ZNF385B: variants seen among roughly 807,000 people sequenced by gnomAD.
ZNF385B encodes zinc finger protein 533.
Under a neutral mutation model 39.2 loss-of-function variants are expected in ZNF385B, and 23 were observed. The observed-to-expected ratio is 0.59, with a 90% CI of 0.42 to 0.83. The LOEUF (loss-of-function observed/expected upper bound fraction) is 0.83, where lower values mean the gene tolerates loss of function less well. Ranked by LOEUF, ZNF385B falls within the 40% of genes least tolerant of loss-of-function variation. The pLI is 0.00. For missense variants in ZNF385B, 552 were observed against 598.9 expected (o/e 0.92, Z 0.82); for synonymous variants, 205 against 222.6 (o/e 0.92, Z 0.70).
intron 3 of ZNF385B, among the ~76,000 whole-genome samples, chr2:179,559,846 C>T (rs904972925): frequency 6.6e-6 from 1 of 151,940 alleles, no homozygotes; most frequent in Non-Finnish European, 1.5e-5. Context: ...TCATGCTGTA[C>T]CTTAGATCTC....
At chr2:179,782,505 A>T (rs1247427913) in intron 1 of ZNF385B, among the ~76,000 whole-genome samples, 1 of 152,220 alleles carries the variant, frequency 6.6e-6, no homozygotes, top group Non-Finnish European at 1.5e-5. Context: ...AAGGGAACAA[A>T]ATAAACGGCA....
chr2:179,648,793 A>G (rs1383498196), intron 3 of ZNF385B, among the ~76,000 whole-genome samples: 4 of 152,208 alleles, frequency 2.6e-5, no homozygotes, highest in Non-Finnish European at 4.4e-5. Context: ...AAATTTGCAC[A>G]TCAAAATAAT....
At chr2:179,647,921 A>G (rs1692864594) in intron 3 of ZNF385B, among the ~76,000 whole-genome samples, 1 of 152,200 alleles carries the variant, frequency 6.6e-6, no homozygotes, top group African/African-American at 2.4e-5. Flanking sequence ...TATTAGATGA[A>G]ACAGAGCAAG....
intron 3 of ZNF385B, among the ~76,000 whole-genome samples, chr2:179,660,536 T>C (rs1694341560): frequency 6.6e-6 from 1 of 152,344 alleles, no homozygotes; most frequent in East Asian, 1.9e-4. Context: ...TGCTTCCAAG[T>C]TCTTTTACTT....
At chr2:179,535,252 A>C (rs143314944) in intron 4 of ZNF385B, among the ~76,000 whole-genome samples, 143 of 152,316 alleles carry the variant, frequency 9.4e-4, no homozygotes, top group African/African-American at 3.2e-3. Context: ...AAGAGAAAAC[A>C]AGTACAGGCT....
chr2:179,629,582 G>A (rs1251251641), intron 3 of ZNF385B, among the ~76,000 whole-genome samples: 7 of 152,168 alleles, frequency 4.6e-5, no homozygotes, highest in South Asian at 2.1e-4. Flanking sequence ...GCTCCAGTCT[G>A]CAGCTCCCAG....
At chr2:179,687,611 T>C (rs977533942) in intron 3 of ZNF385B, among the ~76,000 whole-genome samples, 3 of 152,160 alleles carry the variant, frequency 2.0e-5, no homozygotes, top group Admixed American at 2.0e-4. Flanking sequence ...GTTCCTAGTA[T>C]GTAATATCAT....
intron 3 of ZNF385B, among the ~76,000 whole-genome samples, chr2:179,763,494 T>C (rs1316535176): frequency 6.6e-6 from 1 of 152,200 alleles, no homozygotes; most frequent in Non-Finnish European, 1.5e-5. Flanking sequence ...TATTTTCAAC[T>C]TCACAGATTG....
chr2:179,778,900 T>A (rs771169836), intron 1 of ZNF385B, among the ~76,000 whole-genome samples: 8 of 152,160 alleles, frequency 5.3e-5, no homozygotes, highest in Non-Finnish European at 1.2e-4. Flanking sequence ...TTACTTCTGG[T>A]CTTTTTCATT....
In ZNF385B at chr2:179,544,945, AG is replaced by A; in HGVS notation, c.322del (p.Leu108PhefsTer10). 6.2e-7 allele frequency: 1 copy of A among 1,613,984 alleles called. No individual in the cohort carries two copies. ...STGSTCHTTT[L>X]PALVRTPTLM... Reference sequence around the variant, plus strand: ...GGTAGGTGTGCGCACAAGAGCAGGAAGGGTAGTAGTGTGGCATGTACTGCCT... The same window carrying A: ...GGTAGGTGTGCGCACAAGAGCAGGAAGGTAGTAGTGTGGCATGTACTGCCT... On this transcript the variant is annotated frameshift_variant, in exon 4 of 10. Coordinates refer to ENST00000410066, the MANE Select transcript of ZNF385B (RefSeq NM_152520.6). LOFTEE classifies it high-confidence loss of function.
At chr2:179,844,596 A>T (rs1050224385) in intron 1 of ZNF385B, among the ~76,000 whole-genome samples, 5 of 152,210 alleles carry the variant, frequency 3.3e-5, no homozygotes, top group Non-Finnish European at 7.3e-5. Context: ...CAAGGAAGAA[A>T]AGGAAACCAA....
chr2:179,709,400 G>T (rs929599911), intron 3 of ZNF385B, among the ~76,000 whole-genome samples: 2 of 152,198 alleles, frequency 1.3e-5, no homozygotes, highest in African/African-American at 2.4e-5. Context: ...GGAAGCTCAG[G>T]ATTGTAAAAC....
chr2:179,474,432 T>G (rs2053189450), intron 6 of ZNF385B, among the ~76,000 whole-genome samples: 1 of 152,300 alleles, frequency 6.6e-6, no homozygotes, highest in East Asian at 1.9e-4. Flanking sequence ...TTAACATTAC[T>G]TTTAATGGCA....
At chr2:179,823,515 T>C (rs1707517992) in intron 1 of ZNF385B, among the ~76,000 whole-genome samples, 1 of 152,190 alleles carries the variant, frequency 6.6e-6, no homozygotes, top group Non-Finnish European at 1.5e-5. Context: ...TAGTACAGAA[T>C]ACTAATCTAC....
intron 3 of ZNF385B, among the ~76,000 whole-genome samples, chr2:179,599,040 A>T (rs764394452): frequency 6.6e-6 from 1 of 152,212 alleles, no homozygotes; most frequent in Non-Finnish European, 1.5e-5. Context: ...TATGTGAGGA[A>T]TCATGATTTA....
At chr2:179,860,581 G>GCCC in intron 1 of ZNF385B, among the ~76,000 whole-genome samples, 1 of 152,088 alleles carries the variant, frequency 6.6e-6, no homozygotes, top group Non-Finnish European at 1.5e-5. Context: ...CCTTCTCTCT[G>GCCC]CTCCTCTGCC....
intron 3 of ZNF385B, among the ~76,000 whole-genome samples, chr2:179,697,612 C>T (rs1349519964): frequency 6.6e-6 from 1 of 152,140 alleles, no homozygotes; most frequent in African/African-American, 2.4e-5. Context: ...TGGCTTTCTC[C>T]ACAGTCCAAC....
rs960575403 is a variant in ZNF385B at position 179,847,626 on chromosome 2, T to A, written c.-155+13475A>T. Among the ~76,000 whole-genome samples, 51 of 152,154 alleles carry A rather than the reference T, an allele frequency of 3.4e-4. 2 individuals carry two copies. The highest frequency in any genetic ancestry group is 6.3e-3 in the Middle Eastern group (2 of 316). On this transcript the variant is annotated intron_variant, in intron 1 of 9. Coordinates refer to ENST00000410066, the MANE Select transcript of ZNF385B (RefSeq NM_152520.6). ...CTAAGTTCCTTGCAGCCACTTTTGG[T>A]TTTGTAGTAGCAGATAGTGGCAATG...
chr2:179,701,793 T>C (rs921799342), intron 3 of ZNF385B, among the ~76,000 whole-genome samples: 2 of 152,294 alleles, frequency 1.3e-5, no homozygotes, highest in South Asian at 2.1e-4. Flanking sequence ...ATCTCAACAA[T>C]GTTTTTAAAG....
Sources: gnomAD v4.1 joint callset for allele counts (sites outside exome capture counted in the v4.1 genomes callset) on GRCh38, gnomAD v4.1.1 for gene constraint, MANE v1.5 for transcripts, NCBI Gene and HGNC (gene_info 2026-07-23, HGNC 2026-07-21) for gene names.